Variants in ADAMTSL1 observed in about 807,000 individuals in gnomAD.
ADAMTSL1 encodes ADAMTS-like protein 1.
A neutral mutation model predicts 201.8 loss-of-function variants in ADAMTSL1; 126 were observed. The ratio of observed to expected loss-of-function variants is 0.62; its 90% CI spans 0.54 to 0.72. ADAMTSL1 has a LOEUF of 0.72. ADAMTSL1 is among the 30% of genes least tolerant of loss of function. The probability of loss-of-function intolerance (pLI) is 0.00; values close to 1 mark genes in which losing one functional copy is unlikely to be tolerated. For missense variants in ADAMTSL1, 2,679 were observed against 2,277.8 expected (o/e 1.18, Z -3.59); for synonymous variants, 1,121 against 903.4 (o/e 1.24, Z -4.32).
In ADAMTSL1 at chr9:18,262,415, A is replaced by G. The variant is rs1176928820; in HGVS notation, c.207+98434A>G. Among the ~76,000 whole-genome samples the G allele has an allele frequency of 1.1e-4, 16 of 152,362 alleles. No individual in the cohort carries two copies. In the East Asian group the frequency reaches 2.7e-3, roughly 26 times the overall value. On this transcript the variant is annotated intron_variant, in intron 2 of 29. Transcript: ENST00000680146. Reference sequence around the variant, plus strand: ...TGAAAATCCAGATTTTTACATAAACATATTATTTTTAAATGTGAATAACTA... The same window carrying G: ...TGAAAATCCAGATTTTTACATAAACGTATTATTTTTAAATGTGAATAACTA...
At position 18,653,217 on chromosome 9, in the gene ADAMTSL1, A is replaced by T. The variant is rs540456716; in HGVS notation, c.835-4422A>T. ...TCTTTCTTTCACTCTTGAGAGTTGC[A>T]GATCCCTGCCCAATCCTGCCTCGCT... On this transcript the variant is annotated intron_variant, in intron 7 of 28. Coordinates refer to ENST00000380548, the MANE Select transcript of ADAMTSL1 (RefSeq NM_001040272.6). 2.0e-5 allele frequency among the ~76,000 whole-genome samples: 3 copies of T among 152,308 alleles called. 1 individual carries two copies. Among genetic ancestry groups the T allele is most frequent in the South Asian group, 4.1e-4 (2 of 4,820 alleles).
intron 12 of ADAMTSL1, among the ~76,000 whole-genome samples, chr9:18,683,886 C>T (rs1022811990): frequency 2.6e-5 from 4 of 152,108 alleles, no homozygotes; most frequent in Middle Eastern, 3.2e-3. Flanking sequence ...TATGTATAGA[C>T]ATATTTCTTT....
At chr9:18,683,590 T>G (rs1275747549) in intron 12 of ADAMTSL1, among the ~76,000 whole-genome samples, 1 of 152,228 alleles carries the variant, frequency 6.6e-6, no homozygotes, top group Non-Finnish European at 1.5e-5. Flanking sequence ...AGGTACGGTG[T>G]TGCTGTGTTT....
At chr9:18,865,261 A>T (rs527616542) in intron 23 of ADAMTSL1, among the ~76,000 whole-genome samples, 6 of 151,972 alleles carry the variant, frequency 3.9e-5, no homozygotes, top group Non-Finnish European at 8.8e-5. Context: ...TCATTGTTCA[A>T]TTCCCACCTA....
At chr9:18,731,633 G>T (rs1251745453) in intron 15 of ADAMTSL1, among the ~76,000 whole-genome samples, 1 of 152,124 alleles carries the variant, frequency 6.6e-6, no homozygotes, top group Non-Finnish European at 1.5e-5. Flanking sequence ...GAAGAAAAAA[G>T]AAAAGAGGTT....
In ADAMTSL1 at chr9:18,057,182, C is replaced by T. The variant is rs369828420; in HGVS notation, c.88-106680C>T. Among the ~76,000 whole-genome samples, 6 of 152,266 alleles carry T rather than the reference C, an allele frequency of 3.9e-5. No individual in the cohort carries two copies. The East Asian group carries it at 7.7e-4, about 20-fold the overall frequency. On this transcript the variant is annotated intron_variant, in intron 1 of 29. Coordinates refer to the ADAMTSL1 transcript ENST00000680146. ...TCTTTTCTGAGACCTGCAGAGACCA[C>T]AGACTTTGCATTTGCCACAAAAAGA...
chr9:18,018,635 T>C (rs1409603311), intron 1 of ADAMTSL1, among the ~76,000 whole-genome samples: 3 of 152,012 alleles, frequency 2.0e-5, no homozygotes, highest in Non-Finnish European at 4.4e-5. Context: ...ATAAACCCCA[T>C]ATGCAAACCC....
intron 1 of ADAMTSL1, among the ~76,000 whole-genome samples, chr9:18,054,340 C>T (rs1013799900): frequency 1.3e-5 from 2 of 152,100 alleles, no homozygotes; most frequent in African/African-American, 4.8e-5. Context: ...GAGTTTATTG[C>T]AAAGAACTAA....
intron 3 of ADAMTSL1, among the ~76,000 whole-genome samples, chr9:18,537,898 A>AAAG (rs148366598): frequency 1.3e-4 from 19 of 146,082 alleles, no homozygotes; most frequent in South Asian, 6.5e-4. Context: ...AAAAAAGAAG[A>AAAG]AAGAAGAAGA....
At chr9:18,316,069 C>G (rs1417346285) in intron 2 of ADAMTSL1, among the ~76,000 whole-genome samples, 1 of 152,136 alleles carries the variant, frequency 6.6e-6, no homozygotes, top group African/African-American at 2.4e-5. Context: ...TGATGCCCCA[C>G]AAGCTGCAAA....
intron 4 of ADAMTSL1, among the ~76,000 whole-genome samples, chr9:18,576,328 G>T (rs1822722300): frequency 6.6e-6 from 1 of 152,172 alleles, no homozygotes; most frequent in African/African-American, 2.4e-5. Flanking sequence ...TAGCTATGCA[G>T]TAAGAATAGG....
intron 2 of ADAMTSL1, among the ~76,000 whole-genome samples, chr9:18,211,890 C>A (rs1829886295): frequency 6.6e-6 from 1 of 152,206 alleles, no homozygotes; most frequent in Admixed American, 6.5e-5. Context: ...CAGCCCTCAA[C>A]AACCCAGTTA....
chr9:18,603,986 C>G (rs542895924), intron 4 of ADAMTSL1, among the ~76,000 whole-genome samples: 1 of 152,256 alleles, frequency 6.6e-6, no homozygotes, highest in South Asian at 2.1e-4. Context: ...GGAACAATGG[C>G]GAGAGCACAC....
intron 1 of ADAMTSL1, among the ~76,000 whole-genome samples, chr9:18,075,194 A>G (rs749492190): frequency 1.4e-4 from 22 of 152,110 alleles, no homozygotes; most frequent in Non-Finnish European, 2.2e-4. Context: ...CTTTACTATA[A>G]TGGTAATTGA....
rs183028820 is a variant in ADAMTSL1, at chr9:18,724,028, A to C, written c.2006+2363A>C. 1.5e-3 allele frequency: 224 copies of C among 152,282 alleles called. 1 individual carries two copies. Among genetic ancestry groups the C allele is most frequent in the African/African-American group, 5.3e-3 (222 of 41,550 alleles). 9.4% of individuals were successfully genotyped at this position (152,282 alleles called of 1,614,324 possible). ...CCACATGGTTCAGCGTTCCCTGTAC[A>C]TTTTTGTGTGTCTTCTGATGGGATG... On this transcript the variant is annotated intron_variant, in intron 15 of 28. Coordinates refer to ENST00000380548, the MANE Select transcript of ADAMTSL1 (RefSeq NM_001040272.6).
chr9:18,065,618 A>G (rs973794726), intron 1 of ADAMTSL1, among the ~76,000 whole-genome samples: 3 of 152,180 alleles, frequency 2.0e-5, no homozygotes, highest in African/African-American at 7.2e-5. Context: ...AATTCTAGCT[A>G]TGTTTTGTTG....
intron 1 of ADAMTSL1, among the ~76,000 whole-genome samples, chr9:18,110,361 T>C (rs1824951942): frequency 6.6e-6 from 1 of 152,122 alleles, no homozygotes; most frequent in Non-Finnish European, 1.5e-5. Flanking sequence ...GCCCAGCGAA[T>C]GCTGCAGGTA....
rs373660930 is a variant in ADAMTSL1, at chr9:18,892,536, G to A, written c.4791G>A (p.Val1597=). Residue 1597 remains valine (V), a synonymous_variant, in exon 26 of 29, where the codon GTG becomes GTA. Transcript: ENST00000380548. ...GCACCCAGGTCGCCAAGCGGCCTGT[G>A]GACACCCAGGCCTGTAACCAGCAGC... ...DMCTQVAKRP[V]DTQACNQQLC... The A allele has an allele frequency of 1.0e-5, 16 of 1,586,032 alleles. No individual in the cohort carries two copies. Among genetic ancestry groups the A allele is most frequent in the Non-Finnish European group, 1.4e-5 (16 of 1,166,120 alleles).
intron 2 of ADAMTSL1, among the ~76,000 whole-genome samples, chr9:18,466,541 G>A (rs972669712): frequency 3.9e-5 from 6 of 152,094 alleles, no homozygotes; most frequent in Non-Finnish European, 7.4e-5. Flanking sequence ...ATGAGGTAAT[G>A]CATAAGTTAA....
Sources: gnomAD v4.1 joint callset for allele counts (sites outside exome capture counted in the v4.1 genomes callset) on GRCh38, gnomAD v4.1.1 for gene constraint, MANE v1.5 for transcripts, NCBI Gene and HGNC (gene_info 2026-07-23, HGNC 2026-07-21) for gene names.